The following KCNN3 variants were observed in gnomAD, a reference collection of about 807,000 sequenced individuals.
The protein encoded by KCNN3 is small conductance calcium-activated potassium channel protein 3.
Under a neutral mutation model 62.9 loss-of-function variants are expected in KCNN3, and 16 were observed. That is an observed-to-expected ratio of 0.25 (90% CI 0.17 to 0.39). KCNN3 has a LOEUF of 0.39. Ranked by LOEUF, KCNN3 falls within the 10% of genes least tolerant of loss-of-function variation. The pLI is 1.00. For synonymous variants in KCNN3, 370 were observed against 389.2 expected (o/e 0.95, Z 0.58); for missense variants, 599 against 949.4 (o/e 0.63, Z 4.85).
At chr1:154,856,486 C>T (rs1652535598) in intron 1 of KCNN3, among the ~76,000 whole-genome samples, 1 of 152,162 alleles carries the variant, frequency 6.6e-6, no homozygotes, top group Non-Finnish European at 1.5e-5. Context: ...ATGGCCAGTG[C>T]AGGAAACATC....
At chr1:154,710,560 T>C (rs1700053417) in intron 7 of KCNN3, among the ~76,000 whole-genome samples, 1 of 152,196 alleles carries the variant, frequency 6.6e-6, no homozygotes. Flanking sequence ...GGAGTGTCTT[T>C]CCAGTTCACT....
In KCNN3 at chr1:154,725,613, G is replaced by A. The variant is rs528929308; in HGVS notation, c.1701+303C>T. On this transcript the variant is annotated intron_variant, in intron 5 of 7. Transcript: ENST00000271915. ...GGCTGGAGTGCAGTAGTGCGATCTC[G>A]GCTCACTGCAACCTCCGCCTCCCAG... Among the ~76,000 whole-genome samples the A allele has an allele frequency of 7.3e-5, 11 of 150,232 alleles. No individual in the cohort carries two copies. The East Asian group carries it at 1.6e-3, about 21-fold the overall frequency.
At chr1:154,813,059 A>G (rs1243042967) in intron 2 of KCNN3, among the ~76,000 whole-genome samples, 1 of 152,194 alleles carries the variant, frequency 6.6e-6, no homozygotes, top group East Asian at 1.9e-4. Context: ...TACAGACAAC[A>G]CAACTGAGAT....
At chr1:154,726,725 A>G (rs997387309) in intron 4 of KCNN3, among the ~76,000 whole-genome samples, 4 of 152,204 alleles carry the variant, frequency 2.6e-5, no homozygotes, top group Non-Finnish European at 5.9e-5. Context: ...ATTCACCGTC[A>G]TGCAGAGATT....
chr1:154,824,480 A>T (rs1441599251), intron 1 of KCNN3, among the ~76,000 whole-genome samples: 1 of 152,216 alleles, frequency 6.6e-6, no homozygotes, highest in African/African-American at 2.4e-5. Context: ...GGGGCTGAAA[A>T]GAGCAAATGG....
chr1:154,860,428 C>T (rs1349608660), intron 1 of KCNN3, among the ~76,000 whole-genome samples: 1 of 152,142 alleles, frequency 6.6e-6, no homozygotes, highest in Non-Finnish European at 1.5e-5. Flanking sequence ...CTCCACCTGT[C>T]CGATTTGCAT....
intron 1 of KCNN3, among the ~76,000 whole-genome samples, chr1:154,850,232 ACTC>A (rs761970795): frequency 5.3e-5 from 8 of 151,900 alleles, no homozygotes; most frequent in Middle Eastern, 3.2e-3. Context: ...ACTTCACAAA[ACTC>A]CTCCAAGGCA....
At chr1:154,789,861 C>T (rs1002405724) in intron 2 of KCNN3, among the ~76,000 whole-genome samples, 13 of 151,994 alleles carry the variant, frequency 8.6e-5, no homozygotes, top group East Asian at 1.9e-4. Context: ...TGGGAGTTCA[C>T]GGGCCCCAGG....
intron 2 of KCNN3, among the ~76,000 whole-genome samples, chr1:154,785,572 CTT>C (rs59033291): frequency 0.05 from 5,415 of 108,130 alleles, 164 homozygotes; most frequent in African/African-American, 0.084. Context: ...TTTTCTTTTT[CTT>C]TTTTTTTTTT....
At chr1:154,814,362 T>C (rs1650567866) in intron 2 of KCNN3, among the ~76,000 whole-genome samples, 1 of 152,186 alleles carries the variant, frequency 6.6e-6, no homozygotes, top group Non-Finnish European at 1.5e-5. Context: ...GTGAAACCAA[T>C]ACAGTCCCCA....
intron 2 of KCNN3, among the ~76,000 whole-genome samples, chr1:154,812,777 A>G (rs1232871498): frequency 6.6e-6 from 1 of 152,114 alleles, no homozygotes; most frequent in Non-Finnish European, 1.5e-5. Flanking sequence ...TGTCTTTATT[A>G]TTGTTTTCTA....
intron 1 of KCNN3, among the ~76,000 whole-genome samples, chr1:154,844,542 G>A (rs540377663): frequency 6.6e-6 from 1 of 152,342 alleles, no homozygotes; most frequent in South Asian, 2.1e-4. Flanking sequence ...CGTTATTATT[G>A]GGAAGTCACT....
In KCNN3 at chr1:154,869,647, G is replaced by T. The variant is rs201079149; in HGVS notation, c.318C>A (p.Thr106=). 2 of 1,612,260 alleles carry T rather than the reference G, an allele frequency of 1.2e-6. No individual in the cohort carries two copies. The highest frequency in any genetic ancestry group is 8.5e-7 in the Non-Finnish European group (1 of 1,179,122). Residue 106 remains threonine (T), a synonymous_variant, in exon 1 of 8, where the codon ACC becomes ACA. Coordinates refer to ENST00000271915, the MANE Select transcript of KCNN3 (RefSeq NM_002249.6). This position sits in a 1 kb window ranked among gnomAD's most constrained non-coding sequence, Gnocchi z 6.1. ...TGGACGAAGGGGGGGCCCTGAAAGC[G>T]GTGGGAGAGGAGTGCAGCAGGCCAG... ...VHPGLLHSSP[T]AFRAPPSSNS... is the part of the protein sequence containing the mutation.
intron 2 of KCNN3, among the ~76,000 whole-genome samples, chr1:154,780,009 G>T: frequency 6.6e-6 from 1 of 152,072 alleles, no homozygotes; most frequent in East Asian, 1.9e-4. Flanking sequence ...GGACACCTCA[G>T]GACAGGGCCG....
chr1:154,825,364 ATTTT>A (rs56768657), intron 1 of KCNN3, among the ~76,000 whole-genome samples: 2 of 118,296 alleles, frequency 1.7e-5, no homozygotes, highest in African/African-American at 3.3e-5. Flanking sequence ...GATGAGAATC[ATTTT>A]TTTTTTTTTT....
At chr1:154,767,554 C>T (rs188297944) in intron 3 of KCNN3, among the ~76,000 whole-genome samples, 69 of 152,346 alleles carry the variant, frequency 4.5e-4, no homozygotes, top group Admixed American at 3.9e-3. Flanking sequence ...GCTCAAGGCA[C>T]GCTAGGAAGG....
intron 2 of KCNN3, among the ~76,000 whole-genome samples, chr1:154,785,617 C>G (rs1217277668): frequency 8.3e-6 from 1 of 120,844 alleles, no homozygotes; most frequent in East Asian, 2.6e-4. Flanking sequence ...GAGTCTCACT[C>G]TGTCTTCCAG....
chr1:154,773,613 C>T (rs1648665094), intron 2 of KCNN3, among the ~76,000 whole-genome samples: 1 of 152,214 alleles, frequency 6.6e-6, no homozygotes, highest in African/African-American at 2.4e-5. Context: ...GACACTCAGC[C>T]AGTGTCCATT....
rs1488379679 is a variant in KCNN3 at position 154,699,885 on chromosome 1, T to TG, written c.*8090_*8091insC. On this transcript the variant is annotated 3_prime_UTR_variant, in exon 8 of 8. Coordinates refer to ENST00000271915, the MANE Select transcript of KCNN3 (RefSeq NM_002249.6). ...TTCTGATGGCTTTGCTAGTCTGGTC[T>TG]AAAAAAAAAAAGACTAAAACTTAAA... 1 of 146,452 alleles carries TG rather than the reference T, an allele frequency of 6.8e-6. No individual in the cohort carries two copies. The highest frequency in any genetic ancestry group is 2.5e-5 in the African/African-American group (1 of 39,536). The allele number at this position is 146,452 out of a possible 1,614,324, so 9.1% of individuals were successfully genotyped here.
Sources: allele counts gnomAD v4.1 joint callset (sites outside exome capture counted in the v4.1 genomes callset), GRCh38; gene constraint gnomAD v4.1.1; non-coding constraint Gnocchi (gnomAD v3.1); transcripts MANE v1.5; gene names NCBI Gene and HGNC (gene_info 2026-07-23, HGNC 2026-07-21).